The following ZCCHC10 variants were observed in gnomAD, a reference collection of about 807,000 sequenced individuals.
ZCCHC10 encodes zinc finger CCHC domain-containing protein 10.
A neutral mutation model predicts 19.5 loss-of-function variants in ZCCHC10; 16 were observed. That is an observed-to-expected ratio of 0.82 (90% CI 0.56 to 1.25). The LOEUF (loss-of-function observed/expected upper bound fraction) is 1.25. Ranked by LOEUF, ZCCHC10 falls within the 50% of genes most tolerant of loss-of-function variation. ZCCHC10 has a pLI of 0.00. For synonymous variants in ZCCHC10, 67 were observed against 72.5 expected (o/e 0.92, Z 0.38); for missense variants, 197 against 201.0 (o/e 0.98, Z 0.12).
At chr5:133,026,273 C>T (rs907311166) in intron 1 of ZCCHC10, among the ~76,000 whole-genome samples, 1 of 152,234 alleles carries the variant, frequency 6.6e-6, no homozygotes, top group African/African-American at 2.4e-5. Flanking sequence ...TGTCTTCAAA[C>T]CCCGCTCTGT....
intron 1 of ZCCHC10, 120 bp downstream of exon 1, chr5:133,026,377 G>A (rs963432770): frequency 4.3e-6 from 6 of 1,411,512 alleles, no homozygotes; most frequent in African/African-American, 1.4e-5. Flanking sequence ...CCGGGAGCCA[G>A]AAGAGTGTTT....
Position 133,022,714 on chromosome 5 carries a change from G to A in ZCCHC10, c.107+127C>T. 3 of 371,958 alleles carry A rather than the reference G, an allele frequency of 8.1e-6. No homozygotes were observed. In the East Asian group the frequency reaches 1.2e-4, roughly 15 times the overall value. 23.0% of individuals were successfully genotyped at this position (371,958 alleles called of 1,614,324 possible). ...GATCCACCTGCCTCAGCCTCCCAAAGTGCTGGGATTACAGGCATGAGCCAC... is the reference window on the plus strand; with the variant it reads ...GATCCACCTGCCTCAGCCTCCCAAAATGCTGGGATTACAGGCATGAGCCAC... On this transcript the variant is annotated intron_variant, in intron 2 of 4. Transcript: ENST00000509437.
intron 3 of ZCCHC10, among the ~76,000 whole-genome samples, chr5:133,001,111 G>A (rs1762742269): frequency 6.6e-6 from 1 of 151,938 alleles, no homozygotes; most frequent in South Asian, 2.1e-4. Flanking sequence ...AATTAGGCCA[G>A]GTGCGGTGGC....
intron 2 of ZCCHC10, among the ~76,000 whole-genome samples, chr5:133,012,912 G>A (rs1344411186): frequency 2.6e-5 from 4 of 151,792 alleles, no homozygotes; most frequent in African/African-American, 2.4e-5. Flanking sequence ...TTAGCCGGGC[G>A]CAGTGGCGGG....
intron 3 of ZCCHC10, among the ~76,000 whole-genome samples, chr5:133,000,961 G>T (rs952000356): frequency 6.6e-6 from 1 of 151,808 alleles, no homozygotes; most frequent in South Asian, 2.1e-4. Context: ...ACTCTTTAAA[G>T]ACCAGAAATG....
chr5:133,021,104 G>C (rs1764278123), intron 2 of ZCCHC10, among the ~76,000 whole-genome samples: 1 of 152,174 alleles, frequency 6.6e-6, no homozygotes, highest in Non-Finnish European at 1.5e-5. Flanking sequence ...CACTGTGTTA[G>C]CCAGGATAGT....
At chr5:133,025,483 G>A (rs1367975085) in intron 1 of ZCCHC10, among the ~76,000 whole-genome samples, 2 of 110,420 alleles carry the variant, frequency 1.8e-5, no homozygotes, top group South Asian at 3.2e-4. Flanking sequence ...CAGCCTGGGA[G>A]ACAGAGCAAG....
chr5:133,005,235 G>A lies in ZCCHC10; in HGVS notation c.269+1524C>T, dbSNP rs139391332. On this transcript the variant is annotated intron_variant, in intron 3 of 4. Coordinates refer to ENST00000509437, the MANE Select transcript of ZCCHC10 (RefSeq NM_001300816.3). The stretch of plus-strand genomic sequence containing the variant: ...CACATGAACCTGGGAAGCAGAGGTC[G>A]AAGTGAGCTGAGATCGCACCACTGC... Among the ~76,000 whole-genome samples, 162 of 152,108 alleles carry A rather than the reference G, an allele frequency of 1.1e-3. 1 individual carries two copies. The highest frequency in any genetic ancestry group is 3.3e-3 in the African/African-American group (139 of 41,498).
intron 2 of ZCCHC10, chr5:133,018,948 T>G: frequency 2.9e-6 from 1 of 347,386 alleles, no homozygotes; most frequent in East Asian, 9.2e-5. Flanking sequence ...GGGTCCATAG[T>G]CTTCTTTTCC....
intron 3 of ZCCHC10, among the ~76,000 whole-genome samples, chr5:133,002,918 C>G (rs1762866194): frequency 6.6e-6 from 1 of 152,006 alleles, no homozygotes; most frequent in African/African-American, 2.4e-5. Flanking sequence ...TGGCGTTTCA[C>G]CATGTTGGTC....
intron 4 of ZCCHC10, among the ~76,000 whole-genome samples, 153 bp from the exon 5 acceptor site, chr5:132,999,003 C>T (rs1581366647): frequency 6.6e-6 from 1 of 152,194 alleles, no homozygotes; most frequent in Middle Eastern, 3.4e-3. Flanking sequence ...GCAACCTCTG[C>T]CTCCCAGGTT....
intron 1 of ZCCHC10, among the ~76,000 whole-genome samples, chr5:133,024,948 C>T (rs1349091313): frequency 6.6e-6 from 1 of 151,994 alleles, no homozygotes; most frequent in Non-Finnish European, 1.5e-5. Flanking sequence ...CTTCTTCCTT[C>T]ACCAAGCTTA....
intron 2 of ZCCHC10, chr5:133,019,027 A>C (rs1764112020): frequency 2.2e-6 from 1 of 444,464 alleles, no homozygotes; most frequent in South Asian, 1.6e-5. Flanking sequence ...AAAAATATCC[A>C]CCAGACATTC....
At chr5:133,023,198 G>C (rs1299996156) in intron 1 of ZCCHC10, among the ~76,000 whole-genome samples, 1 of 152,180 alleles carries the variant, frequency 6.6e-6, no homozygotes, top group Non-Finnish European at 1.5e-5. Flanking sequence ...AGCCAAGTTT[G>C]ATGACGACTC....
intron 1 of ZCCHC10, among the ~76,000 whole-genome samples, chr5:133,024,762 G>T (rs1488243856): frequency 2.6e-5 from 4 of 152,122 alleles, no homozygotes; most frequent in African/African-American, 9.7e-5. Flanking sequence ...AATTAGCAGG[G>T]CATGGTGGCG....
intron 2 of ZCCHC10, among the ~76,000 whole-genome samples, chr5:133,010,946 C>T (rs1439557023): frequency 1.3e-5 from 2 of 151,916 alleles, no homozygotes; most frequent in Admixed American, 1.3e-4. Context: ...CGCCTGCCAC[C>T]ACACCCAGCT....
rs1275069105 is a variant in ZCCHC10, at chr5:132,997,244, G to A, written c.*1339C>T. ...TGGTTTTGTAAAACTGACAATTACAGGCTCCTTAAACTCACAACATACATA... is the reference window on the plus strand; with the variant it reads ...TGGTTTTGTAAAACTGACAATTACAAGCTCCTTAAACTCACAACATACATA... On this transcript the variant is annotated 3_prime_UTR_variant, in exon 5 of 5. Transcript: ENST00000509437. 6.6e-6 allele frequency: 1 copy of A among 152,094 alleles called. No homozygotes were observed. The highest frequency in any genetic ancestry group is 2.4e-5 in the African/African-American group (1 of 41,438). 9.4% of individuals were successfully genotyped at this position (152,094 alleles called of 1,614,324 possible).
At chr5:133,005,190 T>C (rs1028023290) in intron 3 of ZCCHC10, among the ~76,000 whole-genome samples, 12 of 151,978 alleles carry the variant, frequency 7.9e-5, no homozygotes, top group South Asian at 2.1e-4. Context: ...TCCCAGCTAC[T>C]CCGGAGGCTG....
At chr5:133,020,492 T>C (rs554458820) in intron 2 of ZCCHC10, among the ~76,000 whole-genome samples, 1 of 151,302 alleles carries the variant, frequency 6.6e-6, no homozygotes, top group East Asian at 1.9e-4. Context: ...ATGTAGTGGG[T>C]TGCAGCTGTA....
Sources: allele counts gnomAD v4.1 joint callset (sites outside exome capture counted in the v4.1 genomes callset), GRCh38; gene constraint gnomAD v4.1.1; transcripts MANE v1.5; gene names NCBI Gene and HGNC (gene_info 2026-07-23, HGNC 2026-07-21).